ALOX5AP: variants seen among roughly 807,000 people sequenced by gnomAD.
ALOX5AP encodes the protein arachidonate 5-lipoxygenase-activating protein.
Under a neutral mutation model 18.5 loss-of-function variants are expected in ALOX5AP, and 9 were observed. The ratio of observed to expected loss-of-function variants is 0.49; its 90% CI spans 0.29 to 0.85. The LOEUF (loss-of-function observed/expected upper bound fraction) is 0.85, where lower values mean the gene tolerates loss of function less well. ALOX5AP is among the 40% of genes least tolerant of loss of function. The pLI, the probability that ALOX5AP is intolerant of heterozygous loss-of-function variation, is 0.08. For missense variants in ALOX5AP, 172 were observed against 202.5 expected, an observed-to-expected ratio of 0.85 and a Z score of 0.91; for synonymous variants, 81 against 78.6, an observed-to-expected ratio of 1.03 and a Z score of -0.16.
intron 2 of ALOX5AP, among the ~76,000 whole-genome samples, chr13:30,745,082 T>C (rs559094879): frequency 2.6e-5 from 4 of 152,348 alleles, no homozygotes; most frequent in Admixed American, 2.6e-4. Context: ...CTGGGCTTGC[T>C]GCTGGCACCA....
chr13:30,747,420 G>A (rs185229398), intron 2 of ALOX5AP, among the ~76,000 whole-genome samples: 12 of 152,246 alleles, frequency 7.9e-5, no homozygotes, highest in East Asian at 5.8e-4. Flanking sequence ...TTATCCACCC[G>A]CCTTGGCCCC....
intron 2 of ALOX5AP, among the ~76,000 whole-genome samples, chr13:30,745,138 T>C (rs748976911): frequency 1.3e-5 from 2 of 152,208 alleles, no homozygotes; most frequent in Non-Finnish European, 2.9e-5. Flanking sequence ...TTCCTGTGAA[T>C]TAAACTGGCT....
chr13:30,751,995 C>T (rs1199496896), intron 2 of ALOX5AP, 57 bp from the exon 3 acceptor site: 3 of 1,504,850 alleles, frequency 2.0e-6, no homozygotes, highest in Admixed American at 3.4e-5. Context: ...AATTTTCAGA[C>T]CACATTGCAC....
At chr13:30,713,826 T>C in exon 1 of ALOX5AP, 1 of 1,531,468 alleles carries the variant, frequency 6.5e-7, no homozygotes, top group Non-Finnish European at 8.7e-7. Context: ...ATTGGGAACA[T>C]AAGCCATCAG....
chr13:30,742,869 C>A (rs1472682663), intron 1 of ALOX5AP, among the ~76,000 whole-genome samples: 21 of 121,298 alleles, frequency 1.7e-4, no homozygotes, highest in African/African-American at 5.0e-4. Flanking sequence ...GCCCCCCCCC[C>A]ACCCCCCATC....
At chr13:30,725,597 G>A (rs1000838643) in intron 1 of ALOX5AP, among the ~76,000 whole-genome samples, 1 of 152,362 alleles carries the variant, frequency 6.6e-6, no homozygotes, top group Admixed American at 6.5e-5. Context: ...CTGGTGGAAG[G>A]TTGATTACAT....
chr13:30,758,283 G>A (rs1951912645), intron 4 of ALOX5AP, among the ~76,000 whole-genome samples: 1 of 152,156 alleles, frequency 6.6e-6, no homozygotes, highest in South Asian at 2.1e-4. Flanking sequence ...ATCTTCTTCA[G>A]TTGGGCCCAT....
At chr13:30,718,860 C>G (rs17216494) in intron 1 of ALOX5AP, among the ~76,000 whole-genome samples, 20,113 of 152,222 alleles carry the variant, frequency 0.13, 1,357 homozygotes, top group South Asian at 0.21. Flanking sequence ...ACTCCCTCCC[C>G]CAAGTTCACA....
At chr13:30,728,316 A>G (rs937703165) in intron 1 of ALOX5AP, among the ~76,000 whole-genome samples, 5 of 152,196 alleles carry the variant, frequency 3.3e-5, no homozygotes, top group Admixed American at 2.0e-4. Flanking sequence ...GTAAAACAAT[A>G]CACTTCTGTT....
At chr13:30,755,708 G>A (rs562433228) in intron 3 of ALOX5AP, among the ~76,000 whole-genome samples, 4 of 152,324 alleles carry the variant, frequency 2.6e-5, no homozygotes, top group South Asian at 2.1e-4. Flanking sequence ...CCTGGGCCAC[G>A]TGCGACCCGC....
intron 1 of ALOX5AP, among the ~76,000 whole-genome samples, chr13:30,737,014 G>C (rs996525455): frequency 6.6e-6 from 1 of 152,258 alleles, no homozygotes; most frequent in African/African-American, 2.4e-5. Flanking sequence ...TGATGGACAG[G>C]TCAGCCTGCA....
rs1258209559 is a variant in ALOX5AP at position 30,725,089 on chromosome 13, G to A, written c.117-10462G>A. ...TGCCAAAGGAAAACCCCCTCAGTGA[G>A]CAGAACTTGGAGCAATACAAGTGGG... is the stretch of plus-strand genomic sequence containing the variant. On this transcript the variant is annotated intron_variant, in intron 1 of 5. Coordinates refer to the ALOX5AP transcript ENST00000617770. 2.6e-5 allele frequency among the ~76,000 whole-genome samples: 4 copies of A among 152,306 alleles called. No individual in the cohort carries two copies. The South Asian group carries it at 8.3e-4, about 32-fold the overall frequency.
At chr13:30,725,321 C>A (rs549788109) in intron 1 of ALOX5AP, among the ~76,000 whole-genome samples, 173 of 152,326 alleles carry the variant, frequency 1.1e-3, no homozygotes, top group African/African-American at 3.9e-3. Flanking sequence ...GAATGTTAAC[C>A]AAAGAGCAGC....
intron 1 of ALOX5AP, among the ~76,000 whole-genome samples, chr13:30,742,134 G>A (rs1951771375): frequency 6.6e-6 from 1 of 152,018 alleles, no homozygotes; most frequent in Admixed American, 6.6e-5. Context: ...TGGCCAATAT[G>A]GTGAAACCCC....
intron 1 of ALOX5AP, among the ~76,000 whole-genome samples, chr13:30,728,109 A>G (rs371574946): frequency 1.3e-5 from 2 of 152,164 alleles, no homozygotes; most frequent in Admixed American, 6.5e-5. Context: ...CAATACAACT[A>G]ATGTCCTTCT....
chr13:30,740,903 A>T (rs561097187), intron 1 of ALOX5AP, among the ~76,000 whole-genome samples: 85 of 152,210 alleles, frequency 5.6e-4, no homozygotes, highest in African/African-American at 1.9e-3. Context: ...GAGGGAAAGA[A>T]GAGAGGCAGA....
chr13:30,744,273 G>C, intron 2 of ALOX5AP, 114 bp downstream of exon 2: 1 of 906,344 alleles, frequency 1.1e-6, no homozygotes, highest in Non-Finnish European at 1.7e-6. Context: ...GTTTCTGAGC[G>C]CCAGGGAGGT....
chr13:30,747,756 C>T (rs1180662431), intron 2 of ALOX5AP, among the ~76,000 whole-genome samples: 1 of 152,052 alleles, frequency 6.6e-6, no homozygotes, highest in Non-Finnish European at 1.5e-5. Flanking sequence ...TATTCTGATT[C>T]TTGGTTTTCT....
At chr13:30,736,212 G>T (rs1221657612) in intron 1 of ALOX5AP, among the ~76,000 whole-genome samples, 9 of 146,132 alleles carry the variant, frequency 6.2e-5, no homozygotes, top group African/African-American at 7.6e-5. Flanking sequence ...TTTTTTTTTT[G>T]GTGATACCTT....
Sources: allele counts gnomAD v4.1 joint callset (sites outside exome capture counted in the v4.1 genomes callset), GRCh38; gene constraint gnomAD v4.1.1; transcripts MANE v1.5; gene names NCBI Gene and HGNC (gene_info 2026-07-23, HGNC 2026-07-21).